Variants in TNS3 observed in about 807,000 individuals in gnomAD.
The protein encoded by TNS3 is tensin 3.
In TNS3, 45 loss-of-function variants were observed where a neutral mutation model predicts 140.9. That is an observed-to-expected ratio of 0.32 (90% CI 0.25 to 0.41). The LOEUF (loss-of-function observed/expected upper bound fraction) is 0.41. TNS3 is among the 10% of genes least tolerant of loss of function. The probability of loss-of-function intolerance (pLI) is 1.00; values close to 1 mark genes in which losing one functional copy is unlikely to be tolerated. For missense variants in TNS3, 1,716 were observed against 1,906.7 expected (o/e 0.90, Z 1.86); for synonymous variants, 815 against 788.4 (o/e 1.03, Z -0.56).
chr7:47,561,624 G>A (rs1242325309), intron 1 of TNS3, among the ~76,000 whole-genome samples: 2 of 152,052 alleles, frequency 1.3e-5, no homozygotes, highest in Non-Finnish European at 2.9e-5. Flanking sequence ...TATCAGCAAG[G>A]GGCCAATTTT....
rs1790926820 is a variant in TNS3 at position 47,369,502 on chromosome 7, G to T, written c.1144C>A (p.His382Asn). The T allele has an allele frequency of 6.2e-7, 1 of 1,614,142 alleles. No homozygotes were observed. Among genetic ancestry groups the T allele is most frequent in the South Asian group, 1.1e-5 (1 of 91,080 alleles). Residue 382 changes from histidine to asparagine, a missense_variant, in exon 17 of 31, where the codon CAC becomes AAC. His to Asn is a moderately conservative substitution (Grantham distance 68). Transcript: ENST00000311160. ...QAIPATNSPD[H>N]SDHTLSVSSD... ...CTGACAGACAAGGTGTGGTCACTGTGGTCTGGGCTGTTGGTGGCCGGGATT... is the reference window on the plus strand; with the variant it reads ...CTGACAGACAAGGTGTGGTCACTGTTGTCTGGGCTGTTGGTGGCCGGGATT...
At position 47,452,113 on chromosome 7, in the gene TNS3, T is replaced by C. The variant is rs77351062; in HGVS notation, c.-75-10058A>G. 1.9e-3 allele frequency among the ~76,000 whole-genome samples: 297 copies of C among 152,326 alleles called. 2 individuals are homozygous for C. Among genetic ancestry groups the C allele is most frequent in the African/African-American group, 6.9e-3 (288 of 41,572 alleles). ...GCCAGTAATAAGTGCCAAAGAAATA[T>C]TAGCTACTTATTCCATCATCTTATT... is the stretch of plus-strand genomic sequence containing the variant. On this transcript the variant is annotated intron_variant, in intron 4 of 30. Transcript: ENST00000311160.
chr7:47,369,360 A>G lies in TNS3; in HGVS notation c.1286T>C (p.Leu429Pro). Residue 429 changes from leucine to proline, a missense_variant, in exon 17 of 31, where the codon CTC (leucine) becomes CCC (proline). Physicochemically the swap from Leu to Pro is moderately conservative, Grantham distance 98. Around this residue, in one of 3 missense-constraint regions of TNS3, gnomAD observed 1,163 missense variants for 1,182.1 expected, o/e 0.98. Transcript: ENST00000311160. ...AGGATCTTCCAGGCCAAAGCCACTG[A>G]GCAGCTGGTCCAACTCTGCCTTCTC... ...AQEKAELDQL[L>P]SGFGLEDPGS... is the part of the protein sequence containing the mutation. 6.2e-7 allele frequency: 1 copy of G among 1,614,196 alleles called. No individual in the cohort carries two copies. The highest frequency in any genetic ancestry group is 8.5e-7 in the Non-Finnish European group (1 of 1,180,040).
intron 17 of TNS3, among the ~76,000 whole-genome samples, chr7:47,349,748 G>C (rs1789556069): frequency 6.6e-6 from 1 of 152,334 alleles, no homozygotes; most frequent in Middle Eastern, 3.4e-3. Context: ...AGGACAAAAT[G>C]AGACAGGGTT....
intron 10 of TNS3, among the ~76,000 whole-genome samples, chr7:47,418,996 A>G (rs1174270695): frequency 6.6e-6 from 1 of 152,256 alleles, no homozygotes; most frequent in Non-Finnish European, 1.5e-5. Context: ...GGCAGCACCA[A>G]CCGGCCAGGA....
chr7:47,430,826 T>C lies in TNS3; in HGVS notation c.325-2450A>G, dbSNP rs547758545. Among the ~76,000 whole-genome samples the C allele has an allele frequency of 1.2e-4, 19 of 152,142 alleles. 1 individual carries two copies. The South Asian group carries it at 3.7e-3, about 30-fold the overall frequency. On this transcript the variant is annotated intron_variant, in intron 8 of 30. Coordinates refer to ENST00000311160, the MANE Select transcript of TNS3 (RefSeq NM_022748.12). ...ACCTCCACCGCCTGGGTTCAAGCGA[T>C]TCTCGTGCCTCAGCCTCCCGAGTAG...
chr7:47,520,874 T>C (rs56063950), intron 2 of TNS3, among the ~76,000 whole-genome samples: 11 of 152,090 alleles, frequency 7.2e-5, no homozygotes, highest in Non-Finnish European at 1.6e-4. Flanking sequence ...CCCTCAGGGT[T>C]GGGGGACTCA....
chr7:47,439,184 C>T (rs1470280558), intron 6 of TNS3, among the ~76,000 whole-genome samples: 1 of 152,216 alleles, frequency 6.6e-6, no homozygotes, highest in Non-Finnish European at 1.5e-5. Flanking sequence ...GCAAGGGTGG[C>T]TGGCTGGGGA....
intron 2 of TNS3, among the ~76,000 whole-genome samples, chr7:47,514,263 T>C (rs1015839721): frequency 1.9e-4 from 29 of 152,212 alleles, no homozygotes; most frequent in East Asian, 5.8e-4. Flanking sequence ...CATGACCCCA[T>C]TGTTGCCTTG....
chr7:47,363,746 G>T (rs1486031931), intron 17 of TNS3, among the ~76,000 whole-genome samples: 2 of 152,182 alleles, frequency 1.3e-5, no homozygotes, highest in African/African-American at 4.8e-5. Context: ...GTAGTCTCCA[G>T]TCAGTCAGGC....
At chr7:47,572,216 GCCATC>G (rs1395198975) in intron 1 of TNS3, among the ~76,000 whole-genome samples, 2 of 152,220 alleles carry the variant, frequency 1.3e-5, no homozygotes, top group Non-Finnish European at 2.9e-5. Flanking sequence ...TTGGAGTAAG[GCCATC>G]CCTCCAGGGC....
At chr7:47,324,113 C>G (rs376867280) in intron 20 of TNS3, among the ~76,000 whole-genome samples, 1 of 152,314 alleles carries the variant, frequency 6.6e-6, no homozygotes, top group East Asian at 1.9e-4. Flanking sequence ...GACCTGGCTG[C>G]CTGTTTTGTC....
Position 47,303,147 on chromosome 7 carries a change from C to A in TNS3, c.3260G>T (p.Gly1087Val). The A allele has an allele frequency of 1.2e-6, 2 of 1,613,910 alleles. No individual in the cohort carries two copies. Among genetic ancestry groups the A allele is most frequent in the Non-Finnish European group, 1.7e-6 (2 of 1,179,946 alleles). The change falls in exon 22 of 31, where the codon GGC becomes GTC. Residue 1087 changes from glycine to valine, a missense_variant. Gly to Val is a moderately radical substitution (Grantham distance 109). This residue lies in a region of TNS3 where 1,163 missense variants were observed against 1,182.1 expected (regional missense o/e 0.98). Coordinates refer to ENST00000311160, the MANE Select transcript of TNS3 (RefSeq NM_022748.12). ...HSSHHSPGLQ[G>V]QGVTLPGQPP... ...CTGCCCGGGCAGGGTCACACCCTGG[C>A]CCTGCAGGCCTGGACTGTGGTGGCT... is the stretch of plus-strand genomic sequence containing the variant.
chr7:47,451,263 TAG>T (rs1796000579), intron 4 of TNS3, among the ~76,000 whole-genome samples: 2 of 152,084 alleles, frequency 1.3e-5, no homozygotes, highest in Non-Finnish European at 2.9e-5. Context: ...CCCTGAAAAC[TAG>T]CAGTGTAAAC....
chr7:47,562,376 A>G (rs6957402), intron 1 of TNS3, among the ~76,000 whole-genome samples: 147,824 of 150,828 alleles, frequency 0.98, 72,510 homozygotes, highest in East Asian at 1. Context: ...CTTCAGTCTC[A>G]TCTGCTGCCT....
intron 28 of TNS3, among the ~76,000 whole-genome samples, chr7:47,280,635 C>T (rs533618892): frequency 8.5e-5 from 13 of 152,208 alleles, no homozygotes; most frequent in South Asian, 6.2e-4. Flanking sequence ...CCTAACAAGC[C>T]GGGTGCAGTG....
At position 47,276,747 on chromosome 7, in the gene TNS3, AGAT is replaced by A. The variant is rs1784885596; in HGVS notation, c.*1326_*1328del. On this transcript the variant is annotated 3_prime_UTR_variant, in exon 31 of 31. Transcript: ENST00000311160. ...TGAAATACACTTGATTCAGTGGCTTAGATGATGGCAAACAGTGGCACTCAAAAA... is the reference window on the plus strand; with the variant it reads ...TGAAATACACTTGATTCAGTGGCTTAGATGGCAAACAGTGGCACTCAAAAA... The A allele has an allele frequency of 6.6e-6, 1 of 152,262 alleles. No individual in the cohort carries two copies. The highest frequency in any genetic ancestry group is 2.1e-4 in the South Asian group (1 of 4,830). 9.4% of individuals were successfully genotyped at this position (152,262 alleles called of 1,614,324 possible).
intron 1 of TNS3, among the ~76,000 whole-genome samples, chr7:47,567,546 T>A (rs1486919570): frequency 6.6e-6 from 1 of 151,966 alleles, no homozygotes; most frequent in Non-Finnish European, 1.5e-5. Flanking sequence ...TAGTCGGGCA[T>A]GGCAGGGGGC....
At chr7:47,391,476 A>G (rs1201825495) in intron 16 of TNS3, among the ~76,000 whole-genome samples, 3 of 152,212 alleles carry the variant, frequency 2.0e-5, no homozygotes, top group African/African-American at 7.2e-5. Context: ...GAGTCATCCA[A>G]TTACAACAGG....
Sources: allele counts gnomAD v4.1 joint callset (sites outside exome capture counted in the v4.1 genomes callset), GRCh38; gene constraint gnomAD v4.1.1; regional missense constraint gnomAD v4.1.1; transcripts MANE v1.5; gene names NCBI Gene and HGNC (gene_info 2026-07-23, HGNC 2026-07-21).